OPCML: variants seen among roughly 807,000 people sequenced by gnomAD.
OPCML encodes opioid binding protein/cell adhesion molecule like, also known as opioid-binding protein/cell adhesion molecule.
Under a neutral mutation model 37.8 loss-of-function variants are expected in OPCML, and 13 were observed. The ratio of observed to expected loss-of-function variants is 0.34; its 90% CI spans 0.22 to 0.55. The LOEUF (loss-of-function observed/expected upper bound fraction) is 0.55. Ranked by LOEUF, OPCML falls within the 20% of genes least tolerant of loss-of-function variation. The probability of loss-of-function intolerance (pLI) is 0.91; values close to 1 mark genes in which losing one functional copy is unlikely to be tolerated. For synonymous variants in OPCML, 176 were observed against 168.8 expected (o/e 1.04, Z -0.33); for missense variants, 341 against 435.6 (o/e 0.78, Z 1.93).
chr11:132,974,326 TC>T (rs1207460184), intron 1 of OPCML, among the ~76,000 whole-genome samples: 43 of 152,254 alleles, frequency 2.8e-4, no homozygotes, highest in African/African-American at 1.0e-3. Flanking sequence ...ATTTCTCATC[TC>T]CCCATCACAC....
intron 3 of OPCML, among the ~76,000 whole-genome samples, chr11:132,622,516 G>A (rs1036923600): frequency 6.6e-6 from 1 of 152,186 alleles, no homozygotes; most frequent in African/African-American, 2.4e-5. Flanking sequence ...AAACATGGCT[G>A]TGCTAGGAAA....
intron 2 of OPCML, among the ~76,000 whole-genome samples, chr11:132,842,956 T>C (rs1300420822): frequency 1.3e-5 from 2 of 152,246 alleles, no homozygotes; most frequent in Non-Finnish European, 2.9e-5. Context: ...TTCAAACTCG[T>C]CATGCTTTGG....
At chr11:133,079,799 C>T (rs1948681248) in intron 1 of OPCML, among the ~76,000 whole-genome samples, 1 of 152,110 alleles carries the variant, frequency 6.6e-6, no homozygotes, top group Non-Finnish European at 1.5e-5. Flanking sequence ...AAGGTCCTGT[C>T]CACCTCCCGC....
At chr11:132,989,401 A>G (rs7933136) in intron 1 of OPCML, among the ~76,000 whole-genome samples, 13,461 of 152,290 alleles carry the variant, frequency 0.088, 997 homozygotes, top group African/African-American at 0.2. Context: ...TAAAAAATGC[A>G]TGTCCTATTT....
At chr11:133,099,944 A>G (rs4290236) in intron 1 of OPCML, among the ~76,000 whole-genome samples, 69,914 of 152,030 alleles carry the variant, frequency 0.46, 17,898 homozygotes, top group Admixed American at 0.58. Context: ...TGGTGGACTG[A>G]ATAAAGAAAA....
rs577160202 is a variant in OPCML at position 132,663,400 on chromosome 11, A to C, written c.147-6081T>G. Among the ~76,000 whole-genome samples, 3 of 152,364 alleles carry C rather than the reference A, an allele frequency of 2.0e-5. No homozygotes were observed. The East Asian group carries it at 5.8e-4, about 29-fold the overall frequency. ...AATCTATATCTTTATCTGTATCTAC[A>C]TAGACACACATAGAGTCCATGGGCT... On this transcript the variant is annotated intron_variant, in intron 2 of 7. Coordinates refer to ENST00000524381, the MANE Select transcript of OPCML (RefSeq NM_001012393.5).
chr11:132,547,358 A>G (rs6590643), intron 3 of OPCML, among the ~76,000 whole-genome samples: 70,024 of 151,556 alleles, frequency 0.46, 16,385 homozygotes, highest in East Asian at 0.64. Flanking sequence ...GGGTGGGCGA[A>G]TCAAGAGTAA....
At chr11:133,151,118 CA>C (rs1450096882) in intron 1 of OPCML, among the ~76,000 whole-genome samples, 2 of 151,774 alleles carry the variant, frequency 1.3e-5, no homozygotes, top group African/African-American at 4.8e-5. Context: ...GCTAAAAATA[CA>C]AAAATTAGCT....
At chr11:133,027,658 G>A (rs978671599) in intron 1 of OPCML, among the ~76,000 whole-genome samples, 2 of 146,484 alleles carry the variant, frequency 1.4e-5, no homozygotes, top group Non-Finnish European at 3.0e-5. Flanking sequence ...ATGCATGTGT[G>A]GGGCGTGTGG....
At chr11:133,006,513 T>C (rs1213066666) in intron 1 of OPCML, 1 of 985,434 alleles carries the variant, frequency 1.0e-6, no homozygotes, top group Non-Finnish European at 1.2e-6. Flanking sequence ...TAACTTGTTT[T>C]TCAGTTACCC....
At chr11:132,765,007 T>C (rs942857036) in intron 2 of OPCML, among the ~76,000 whole-genome samples, 1 of 152,236 alleles carries the variant, frequency 6.6e-6, no homozygotes, top group Non-Finnish European at 1.5e-5. Context: ...TGCATTTGAT[T>C]GGGTAAGACA....
chr11:133,074,512 G>A (rs547856974), intron 1 of OPCML, among the ~76,000 whole-genome samples: 96 of 152,268 alleles, frequency 6.3e-4, no homozygotes, highest in Admixed American at 1.0e-3. Flanking sequence ...TAAACTCTTA[G>A]CCCATGGTGG....
intron 1 of OPCML, among the ~76,000 whole-genome samples, chr11:132,979,431 C>T (rs1023366158): frequency 1.3e-5 from 2 of 152,208 alleles, no homozygotes; most frequent in Non-Finnish European, 1.5e-5. Flanking sequence ...ACACTCCTGC[C>T]TATGGCATAT....
chr11:132,613,218 G>A (rs757136244), intron 3 of OPCML, among the ~76,000 whole-genome samples: 1 of 152,204 alleles, frequency 6.6e-6, no homozygotes, highest in Non-Finnish European at 1.5e-5. Context: ...AAAGCACAGA[G>A]CATTGTAATC....
At chr11:132,908,288 TCA>T (rs60995975) in intron 2 of OPCML, among the ~76,000 whole-genome samples, 21,379 of 151,910 alleles carry the variant, frequency 0.14, 2,398 homozygotes, top group African/African-American at 0.31. Flanking sequence ...TCTCTCTCTC[TCA>T]CACACACACA....
intron 1 of OPCML, chr11:133,007,858 A>G (rs1045718772): frequency 1.0e-6 from 1 of 985,460 alleles, no homozygotes; most frequent in Non-Finnish European, 1.2e-6. Flanking sequence ...CAATTTTAGA[A>G]CAAAAGATTG....
chr11:132,716,608 T>C (rs1264412488), intron 2 of OPCML, among the ~76,000 whole-genome samples: 1 of 152,196 alleles, frequency 6.6e-6, no homozygotes, highest in African/African-American at 2.4e-5. Flanking sequence ...TGCAATTTAA[T>C]AGAATTTCCC....
At chr11:133,140,429 C>T (rs1403095964) in intron 1 of OPCML, among the ~76,000 whole-genome samples, 5 of 147,884 alleles carry the variant, frequency 3.4e-5, no homozygotes, top group Admixed American at 1.4e-4. Flanking sequence ...GCAGAAGAAT[C>T]GCTTGAATCT....
intron 1 of OPCML, among the ~76,000 whole-genome samples, chr11:132,972,507 C>A (rs778851460): frequency 2.6e-5 from 4 of 152,190 alleles, no homozygotes; most frequent in Non-Finnish European, 5.9e-5. Context: ...CCCCATTATT[C>A]ATTTTCTGGT....
Sources: gnomAD v4.1 joint callset for allele counts (sites outside exome capture counted in the v4.1 genomes callset) on GRCh38, gnomAD v4.1.1 for gene constraint, MANE v1.5 for transcripts, NCBI Gene and HGNC (gene_info 2026-07-23, HGNC 2026-07-21) for gene names.